TBPL2: variants seen among roughly 807,000 people sequenced by gnomAD.
TBPL2 encodes the protein TATA-box binding protein like 2.
Under a neutral mutation model 38.2 loss-of-function variants are expected in TBPL2, and 40 were observed. The ratio of observed to expected loss-of-function variants is 1.05; its 90% confidence interval spans 0.81 to 1.36. TBPL2 has a LOEUF of 1.36. TBPL2 is among the 40% of genes most tolerant of loss of function. TBPL2 has a pLI of 0.00. For synonymous variants in TBPL2, 169 were observed against 171.7 expected, an observed-to-expected ratio of 0.98 and a Z score of 0.12; for missense variants, 461 against 456.7, an observed-to-expected ratio of 1.01 and a Z score of -0.09.
intron 3 of TBPL2, 56 bp from the exon 4 acceptor site, chr14:55,433,777 G>C: frequency 6.6e-7 from 1 of 1,508,978 alleles, no homozygotes. Context: ...CATTATCCCA[G>C]TTGAAAAAGC....
In TBPL2 at chr14:55,429,083, A is replaced by G. The variant is rs185616959; in HGVS notation, c.789-109T>C. 134 of 1,355,364 alleles carry G rather than the reference A, an allele frequency of 9.9e-5. 3 individuals carry two copies. The East Asian group carries it at 1.0e-3, about 10-fold the overall frequency. 84.0% of individuals were successfully genotyped at this position (1,355,364 alleles called of 1,614,324 possible). ...GTACCACGTTTATCTTTCAATGTAT[A>G]CTATGAAGCTGTAGGCTTTGTGAGG... On this transcript the variant is annotated intron_variant, in intron 4 of 6. Coordinates refer to ENST00000247219, the Ensembl canonical transcript of TBPL2.
intron 2 of TBPL2, 118 bp from the exon 3 acceptor site, chr14:55,436,052 A>T: frequency 1.7e-6 from 1 of 575,890 alleles, no homozygotes; most frequent in Non-Finnish European, 2.9e-6. Context: ...GGGGAGAATT[A>T]TTCCAAATGT....
At chr14:55,439,407 GCTCT>G (rs940355873) in intron 1 of TBPL2, among the ~76,000 whole-genome samples, 6 of 152,096 alleles carry the variant, frequency 3.9e-5, no homozygotes, top group Non-Finnish European at 8.8e-5. Context: ...GGGGACAGGG[GCTCT>G]CTGTTTCCCC....
At chr14:55,417,841 G>A (rs2140163863) in intron 6 of TBPL2, among the ~76,000 whole-genome samples, 1 of 152,264 alleles carries the variant, frequency 6.6e-6, no homozygotes, top group East Asian at 1.9e-4. Context: ...AAAATTGTGT[G>A]GCCTGGTGCA....
At chr14:55,437,475 C>T (rs116131138) in intron 1 of TBPL2, among the ~76,000 whole-genome samples, 314 of 152,308 alleles carry the variant, frequency 2.1e-3, no homozygotes, top group African/African-American at 6.8e-3. Flanking sequence ...GAGACTCCAT[C>T]TAAAAAATGA....
chr14:55,434,921 C>T (rs1885988974), intron 3 of TBPL2, among the ~76,000 whole-genome samples: 2 of 152,004 alleles, frequency 1.3e-5, no homozygotes, highest in South Asian at 4.2e-4. Flanking sequence ...GCAGGTCTTA[C>T]TCATCTTTGT....
At chr14:55,427,230 G>T (rs576653962) in intron 5 of TBPL2, among the ~76,000 whole-genome samples, 1 of 148,948 alleles carries the variant, frequency 6.7e-6, no homozygotes, top group South Asian at 2.1e-4. Flanking sequence ...GGACTTTATA[G>T]GGAGCTCAGA....
At chr14:55,435,576 A>G (rs112331246) in intron 3 of TBPL2, among the ~76,000 whole-genome samples, 10,282 of 152,156 alleles carry the variant, frequency 0.068, 388 homozygotes, top group Non-Finnish European at 0.088. Flanking sequence ...GCCCAGCCTA[A>G]GTGAAAAATT....
At chr14:55,437,504 A>G (rs1388166639) in intron 1 of TBPL2, among the ~76,000 whole-genome samples, 1 of 152,204 alleles carries the variant, frequency 6.6e-6, no homozygotes, top group Admixed American at 6.5e-5. Flanking sequence ...CAGTTACAGC[A>G]CACTTAATGG....
exon 3 of TBPL2, chr14:55,435,882 C>T: frequency 6.4e-7 from 1 of 1,573,238 alleles, no homozygotes; most frequent in Non-Finnish European, 8.6e-7. Context: ...GCATGCAAAG[C>T]TATTTTCTTC....
At chr14:55,419,310 A>T (rs1885710462) in intron 6 of TBPL2, among the ~76,000 whole-genome samples, 1 of 152,260 alleles carries the variant, frequency 6.6e-6, no homozygotes, top group African/African-American at 2.4e-5. Context: ...CACAGAGTTA[A>T]CCAGACCCCA....
chr14:55,415,333 C>CT (rs1280574174), intron 6 of TBPL2, among the ~76,000 whole-genome samples: 4 of 152,154 alleles, frequency 2.6e-5, no homozygotes, highest in African/African-American at 9.7e-5. Context: ...GATAAAGACT[C>CT]TTAAGAACTA....
chr14:55,436,630 A>G, exon 2 of TBPL2: 2 of 1,614,236 alleles, frequency 1.2e-6, no homozygotes, highest in Non-Finnish European at 1.7e-6. Context: ...TATGGATGCC[A>G]GAGACAAGGA....
chr14:55,439,322 G>A (rs537495654), intron 1 of TBPL2, among the ~76,000 whole-genome samples: 2 of 150,000 alleles, frequency 1.3e-5, no homozygotes, highest in Non-Finnish European at 3.0e-5. Flanking sequence ...TTGACATTTG[G>A]CAAACCCTGC....
chr14:55,416,548 G>GGT (rs1250509054), intron 6 of TBPL2, among the ~76,000 whole-genome samples: 4 of 152,188 alleles, frequency 2.6e-5, no homozygotes, highest in Non-Finnish European at 5.9e-5. Context: ...GGGGAGGAGA[G>GGT]TGAGTTACTG....
At chr14:55,421,288 C>T (rs1459506223) in intron 6 of TBPL2, among the ~76,000 whole-genome samples, 1 of 152,124 alleles carries the variant, frequency 6.6e-6, no homozygotes, top group Admixed American at 6.6e-5. Flanking sequence ...GATATCTACA[C>T]TATTCAATTT....
intron 2 of TBPL2, 42 bp downstream of exon 2, chr14:55,436,519 G>A (rs375008785): frequency 1.5e-4 from 225 of 1,522,260 alleles, no homozygotes; most frequent in Non-Finnish European, 2.0e-4. Flanking sequence ...AATATAAAAT[G>A]TGTACCCAAT....
rs547602498 is a variant in TBPL2, at chr14:55,421,073, A to AAG, written c.1051+3085_1051+3086insCT. Among the ~76,000 whole-genome samples, 333 of 151,730 alleles carry AAG rather than the reference A, an allele frequency of 2.2e-3. 1 individual carries two copies. The highest frequency in any genetic ancestry group is 3.8e-3 in the Non-Finnish European group (255 of 67,882). On this transcript the variant is annotated intron_variant, in intron 6 of 6. Transcript: ENST00000247219. ...GAGAATCTGTCTCAAAAAAAAAAAA[A>AAG]AAAAAGAAAAAAGAAATTTGGGGTA...
At chr14:55,434,060 AAAGTT>A (rs1245588168) in intron 3 of TBPL2, among the ~76,000 whole-genome samples, 4 of 152,336 alleles carry the variant, frequency 2.6e-5, no homozygotes, top group African/African-American at 9.6e-5. Flanking sequence ...AGGAAGTGGT[AAAGTT>A]AAGATTCAAA....
Sources: gnomAD v4.1 joint callset for allele counts (sites outside exome capture counted in the v4.1 genomes callset) on GRCh38, gnomAD v4.1.1 for gene constraint, MANE v1.5 for transcripts, NCBI Gene and HGNC (gene_info 2026-07-23, HGNC 2026-07-21) for gene names.